CD70: variants seen among roughly 807,000 people sequenced by gnomAD.
The protein encoded by CD70 is CD70 molecule, also known as CD70 antigen.
In CD70, 6 loss-of-function variants were observed where a neutral mutation model predicts 9.0. The ratio of observed to expected loss-of-function variants is 0.67; its 90% CI spans 0.37 to 1.32. The LOEUF (loss-of-function observed/expected upper bound fraction) is 1.32, where lower values mean the gene tolerates loss of function less well. Ranked by LOEUF, CD70 falls within the 40% of genes most tolerant of loss-of-function variation. The pLI, the probability that CD70 is intolerant of heterozygous loss-of-function variation, is 0.02. For synonymous variants in CD70, 108 were observed against 112.3 expected (o/e 0.96, Z 0.24); for missense variants, 235 against 258.7 (o/e 0.91, Z 0.63).
Position 6,586,408 on chromosome 19 carries a change from G to A in CD70, c.197-3C>T. ...TAGCCTGGGGTCCTGCTGAGGTCCT[G>A]GGGGCACAGGGTTAGAGGGATGAGA... is the stretch of plus-strand genomic sequence containing the variant. On this transcript the variant is annotated splice_polypyrimidine_tract_variant and splice_region_variant and intron_variant, in intron 2 of 2. Coordinates refer to ENST00000245903, the MANE Select transcript of CD70 (RefSeq NM_001252.5). 1 of 1,603,816 alleles carries A rather than the reference G, an allele frequency of 6.2e-7. No homozygotes were observed. The highest frequency in any genetic ancestry group is 8.5e-7 in the Non-Finnish European group (1 of 1,175,506).
downstream of CD70, among the ~76,000 whole-genome samples, chr19:6,582,089 G>A (rs1440990756): frequency 6.6e-6 from 1 of 151,546 alleles, no homozygotes; most frequent in Non-Finnish European, 1.5e-5. Context: ...GAGTACAGTG[G>A]CTCGATCTCG....
chr19:6,584,715 AAAT>A (rs1183724587), downstream of CD70, among the ~76,000 whole-genome samples: 2 of 150,960 alleles, frequency 1.3e-5, no homozygotes, highest in Admixed American at 1.3e-4. Flanking sequence ...AAAAAAAAAA[AAAT>A]AGCCGGGTGT....
intron 2 of CD70, among the ~76,000 whole-genome samples, chr19:6,588,612 G>C (rs1394559171): frequency 6.6e-6 from 1 of 151,920 alleles, no homozygotes; most frequent in Non-Finnish European, 1.5e-5. Flanking sequence ...CTCCCTCAAG[G>C]CTTCTTGCCA....
chr19:6,583,413 C>T (rs1282906541), downstream of CD70: 3 of 700,002 alleles, frequency 4.3e-6, no homozygotes, highest in East Asian at 5.4e-5. Context: ...AAACAGTGTG[C>T]AGTCCATATT....
At chr19:6,583,306 G>C (rs1915953786), downstream of CD70, 1 of 697,224 alleles carries the variant, frequency 1.4e-6, no homozygotes, top group Non-Finnish European at 2.6e-6. Flanking sequence ...TGACTCAACG[G>C]TTTACGCCTC....
At chr19:6,583,600 C>A (rs1315802462), downstream of CD70, 8 of 545,558 alleles carry the variant, frequency 1.5e-5, no homozygotes, top group African/African-American at 1.4e-4. Context: ...ACTCTGCCAC[C>A]CAGGCTGGAG....
In CD70 at chr19:6,590,254, G is replaced by C. The variant is rs534986987; in HGVS notation, c.163-118C>G. Reference sequence around the variant, plus strand: ...TCCTTTCCACCTCTCATCCCACGGCGCGCACTGGTGATTTTATTTCATTTT... The same window carrying C: ...TCCTTTCCACCTCTCATCCCACGGCCCGCACTGGTGATTTTATTTCATTTT... On this transcript the variant is annotated intron_variant, in intron 1 of 2. Coordinates refer to ENST00000245903, the MANE Select transcript of CD70 (RefSeq NM_001252.5). This position sits in a 1 kb window ranked among gnomAD's most constrained non-coding sequence, Gnocchi z 5.3. 1.3e-6 allele frequency: 1 copy of C among 761,566 alleles called. No homozygotes were observed. The highest frequency in any genetic ancestry group is 2.3e-6 in the Non-Finnish European group (1 of 429,000). The allele number at this position is 761,566 out of a possible 1,614,324, so 47.2% of individuals were successfully genotyped here.
intron 2 of CD70, among the ~76,000 whole-genome samples, chr19:6,586,902 C>CAAAAAAAAAAA (rs55803401): frequency 3.5e-5 from 3 of 85,324 alleles, no homozygotes; most frequent in African/African-American, 1.0e-4. Flanking sequence ...GAGAGAGAGA[C>CAAAAAAAAAAA]AAAAAAAAAA....
intron 2 of CD70, among the ~76,000 whole-genome samples, chr19:6,588,250 G>A (rs1210807811): frequency 6.6e-6 from 1 of 152,192 alleles, no homozygotes; most frequent in Non-Finnish European, 1.5e-5. Flanking sequence ...TCCACCAGAA[G>A]AAAGAGCTGT....
Position 6,590,921 on chromosome 19 carries a change from C to T in CD70, c.82G>A (p.Ala28Thr). 1 of 1,614,108 alleles carries T rather than the reference C, an allele frequency of 6.2e-7. No homozygotes were observed. Among genetic ancestry groups the T allele is most frequent in the South Asian group, 1.1e-5 (1 of 91,078 alleles). The change falls in exon 1 of 3, where the codon GCG (alanine) becomes ACG (threonine). Residue 28 changes from alanine to threonine, a missense_variant. By Grantham distance (58) the Ala-to-Thr change is moderately conservative. Coordinates refer to ENST00000245903, the MANE Select transcript of CD70 (RefSeq NM_001252.5). This position sits in a 1 kb window ranked among gnomAD's most constrained non-coding sequence, Gnocchi z 5.3. ...VLRAALVPLVAGLVICLVVCI... is the reference protein window; with the variant it reads ...VLRAALVPLVTGLVICLVVCI... ...ACCACGAGGCAGATCACCAAGCCCG[C>T]GACCAATGGGACCAAAGCAGCCCGC...
At chr19:6,583,268 T>A (rs16989918), downstream of CD70, 58,401 of 658,626 alleles carry the variant, frequency 0.089, 2,857 homozygotes, top group Middle Eastern at 0.13. Context: ...AGGTTCCAGC[T>A]GTTACAAAAC....
downstream of CD70, among the ~76,000 whole-genome samples, chr19:6,585,611 G>A (rs532212181): frequency 1.8e-4 from 27 of 152,164 alleles, no homozygotes; most frequent in African/African-American, 4.8e-4. Flanking sequence ...CAAAGTGCTG[G>A]GATTACAGGC....
Position 6,586,320 on chromosome 19 carries a change from C to T in CD70, c.282G>A (p.Gly94=), listed in dbSNP as rs758027889. 1 of 1,613,542 alleles carries T rather than the reference C, an allele frequency of 6.2e-7. No homozygotes were observed. The highest frequency in any genetic ancestry group is 8.5e-7 in the Non-Finnish European group (1 of 1,179,958). The change falls in exon 3 of 3, where the codon GGG becomes GGA. Residue 94 remains glycine (G), a synonymous_variant. Transcript: ENST00000245903. ...TGCCATCACGATGGATACGTAGCTG[C>T]CCCTTGTCCAGCTCTGGTCCATGCA... The part of the protein sequence containing the change: ...SFLHGPELDK[G]QLRIHRDGIY...
At chr19:6,589,468 C>A (rs1421389411) in intron 2 of CD70, among the ~76,000 whole-genome samples, 1 of 151,946 alleles carries the variant, frequency 6.6e-6, no homozygotes, top group Non-Finnish European at 1.5e-5. Flanking sequence ...TGGCTCACTG[C>A]AACTTCTGCC....
At chr19:6,586,804 G>A (rs1396199688) in intron 2 of CD70, among the ~76,000 whole-genome samples, 4 of 150,376 alleles carry the variant, frequency 2.7e-5, no homozygotes, top group African/African-American at 7.3e-5. Flanking sequence ...TCAAAAAAAA[G>A]GGAGGGGGAT....
downstream of CD70, among the ~76,000 whole-genome samples, chr19:6,585,347 CT>C (rs3055533): frequency 0.098 from 13,072 of 133,718 alleles, 509 homozygotes; most frequent in Non-Finnish European, 0.11. Context: ...GAAAACAGAA[CT>C]TTTTTTTTTT....
chr19:6,582,709 C>T (rs1294662593), downstream of CD70, among the ~76,000 whole-genome samples: 1 of 152,156 alleles, frequency 6.6e-6, no homozygotes, highest in East Asian at 1.9e-4. Context: ...GTTTTTATGG[C>T]TGCATAGTAT....
chr19:6,583,571 T>A (rs866332206), downstream of CD70: 6 of 415,740 alleles, frequency 1.4e-5, no homozygotes, highest in African/African-American at 2.3e-5. Flanking sequence ...TTTTTTTTTT[T>A]TTTTTTAAAG....
intron 2 of CD70, among the ~76,000 whole-genome samples, chr19:6,587,050 G>A (rs779208442): frequency 9.4e-5 from 14 of 149,628 alleles, no homozygotes; most frequent in Non-Finnish European, 1.8e-4. Context: ...GCGACAGAGA[G>A]CATGAGAGAG....
Sources: gnomAD v4.1 joint callset for allele counts (sites outside exome capture counted in the v4.1 genomes callset) on GRCh38, gnomAD v4.1.1 for gene constraint, Gnocchi (gnomAD v3.1) non-coding constraint, MANE v1.5 for transcripts, NCBI Gene and HGNC (gene_info 2026-07-23, HGNC 2026-07-21) for gene names.